CDH12: variants seen among roughly 807,000 people sequenced by gnomAD.
CDH12 encodes cadherin-12.
A neutral mutation model predicts 74.1 loss-of-function variants in CDH12; 41 were observed. That is an observed-to-expected ratio of 0.55 (90% confidence interval 0.43 to 0.72). CDH12 has a LOEUF of 0.72. CDH12 is among the 30% of genes least tolerant of loss of function. The pLI, the probability that CDH12 is intolerant of heterozygous loss-of-function variation, is 0.00. For missense variants in CDH12, 945 were observed against 977.2 expected (o/e 0.97, Z 0.44); for synonymous variants, 399 against 355.0 (o/e 1.12, Z -1.39).
At chr5:22,801,636 C>CATATATATAT (rs568139109) in intron 1 of CDH12, among the ~76,000 whole-genome samples, 5 of 50,880 alleles carry the variant, frequency 9.8e-5, no homozygotes, top group Non-Finnish European at 1.9e-4. Flanking sequence ...CTCTGCTTAT[C>CATATATATAT]ATATATATAT....
chr5:22,089,695 T>C (rs1447798621), intron 4 of CDH12, among the ~76,000 whole-genome samples: 1 of 152,032 alleles, frequency 6.6e-6, no homozygotes, highest in Admixed American at 6.6e-5. Flanking sequence ...AAGATATAAT[T>C]ACATTAAAAA....
chr5:22,415,879 A>C (rs896094039), intron 2 of CDH12, among the ~76,000 whole-genome samples: 21 of 152,062 alleles, frequency 1.4e-4, no homozygotes, highest in African/African-American at 5.1e-4. Flanking sequence ...ATTGTCAGCA[A>C]AGACTTGATA....
At chr5:21,945,427 C>CAAAAAAAAAAAAA (rs1167475672) in intron 6 of CDH12, among the ~76,000 whole-genome samples, 1 of 15,530 alleles carries the variant, frequency 6.4e-5, no homozygotes, top group African/African-American at 2.3e-4. Flanking sequence ...CTGTTTCAGA[C>CAAAAAAAAAAAAA]AAAAAAAAAA....
At chr5:22,614,479 G>A (rs1737584793) in intron 1 of CDH12, among the ~76,000 whole-genome samples, 1 of 31,680 alleles carries the variant, frequency 3.2e-5, no homozygotes. Flanking sequence ...TAAAGAAGTT[G>A]CAGGATTGCA....
intron 6 of CDH12, among the ~76,000 whole-genome samples, chr5:21,955,271 G>C (rs1453571806): frequency 2.0e-5 from 3 of 151,478 alleles, no homozygotes. Context: ...CAAATGTCAA[G>C]CTTTTTTTTT....
intron 5 of CDH12, among the ~76,000 whole-genome samples, chr5:21,999,986 A>G (rs1052001548): frequency 6.6e-6 from 1 of 152,156 alleles, no homozygotes; most frequent in African/African-American, 2.4e-5. Flanking sequence ...GGCATTACCT[A>G]GTATTTCCTT....
intron 1 of CDH12, among the ~76,000 whole-genome samples, chr5:22,748,900 A>G (rs1745420673): frequency 6.6e-6 from 1 of 152,194 alleles, no homozygotes; most frequent in South Asian, 2.1e-4. Context: ...GACTGCCTTC[A>G]TGCCAGGCTA....
At chr5:22,788,832 G>A (rs1188061038) in intron 1 of CDH12, among the ~76,000 whole-genome samples, 3 of 151,638 alleles carry the variant, frequency 2.0e-5, no homozygotes, top group African/African-American at 4.8e-5. Context: ...TGGATGTGGT[G>A]CAGTTCACTC....
intron 1 of CDH12, among the ~76,000 whole-genome samples, chr5:22,809,930 A>G (rs1414166953): frequency 6.6e-6 from 1 of 152,166 alleles, no homozygotes; most frequent in African/African-American, 2.4e-5. Context: ...AATTCAAGAT[A>G]GTCTAGAATG....
In CDH12 at chr5:21,755,790, T is replaced by C. The variant is rs1346789607; in HGVS notation, c.1686A>G (p.Gln562=). The change falls in exon 14 of 15, where the codon CAA becomes CAG. Residue 562 remains glutamine, a synonymous_variant. Transcript: ENST00000382254. ...TTACAACAGGGAGGAAATACAACTCTTGCTGCCTGCGGCTGTATCCATTTC... is the reference window on the plus strand; with the variant it reads ...TTACAACAGGGAGGAAATACAACTCCTGCTGCCTGCGGCTGTATCCATTTC... The part of the protein sequence containing the change: ...TRRNGYSRRQ[Q]ELYFLPVVIE... The C allele has an allele frequency of 6.2e-7, 1 of 1,613,926 alleles. No homozygotes were observed. Among genetic ancestry groups the C allele is most frequent in the African/African-American group, 1.3e-5 (1 of 74,904 alleles).
intron 4 of CDH12, chr5:22,141,446 A>T (rs2963652): frequency 1.3e-5 from 2 of 152,054 alleles, no homozygotes; most frequent in Non-Finnish European, 2.9e-5. Flanking sequence ...AGAGAAGAGC[A>T]TCCTTAGTTC....
chr5:21,874,955 C>T (rs186426974), intron 6 of CDH12, among the ~76,000 whole-genome samples: 16 of 152,296 alleles, frequency 1.1e-4, no homozygotes. Flanking sequence ...GGCTTGCCGC[C>T]ATCTTGGAAG....
intron 1 of CDH12, among the ~76,000 whole-genome samples, chr5:22,624,722 C>T (rs903334990): frequency 3.3e-5 from 5 of 152,194 alleles, no homozygotes; most frequent in African/African-American, 1.2e-4. Flanking sequence ...GGATTGTAAA[C>T]TAGTTCAACT....
chr5:22,760,037 T>C (rs1425864789), intron 1 of CDH12, among the ~76,000 whole-genome samples: 1 of 152,170 alleles, frequency 6.6e-6, no homozygotes, highest in African/African-American at 2.4e-5. Flanking sequence ...CATCTGAAAA[T>C]ACCTTCACAG....
intron 4 of CDH12, among the ~76,000 whole-genome samples, chr5:22,202,436 C>T (rs569908903): frequency 4.6e-5 from 7 of 152,032 alleles, no homozygotes; most frequent in Non-Finnish European, 8.8e-5. Context: ...CTAATATTAG[C>T]GACAACAAGC....
At chr5:22,126,115 A>C (rs1347434204) in intron 4 of CDH12, among the ~76,000 whole-genome samples, 5 of 152,110 alleles carry the variant, frequency 3.3e-5, no homozygotes, top group Non-Finnish European at 7.4e-5. Flanking sequence ...ATAGGAGTAA[A>C]CTATTATAGA....
chr5:22,661,222 A>C (rs951819177), intron 1 of CDH12, among the ~76,000 whole-genome samples: 4 of 152,196 alleles, frequency 2.6e-5, no homozygotes, highest in Admixed American at 2.6e-4. Context: ...ACTTAATCTA[A>C]CACCTAACAA....
chr5:22,839,048 G>A (rs559824793), intron 1 of CDH12, among the ~76,000 whole-genome samples: 3 of 152,002 alleles, frequency 2.0e-5, no homozygotes, highest in South Asian at 2.1e-4. Flanking sequence ...TGGTAGTGTC[G>A]GTGTTTTTGT....
chr5:22,287,352 A>G (rs1252845403), intron 3 of CDH12, among the ~76,000 whole-genome samples: 1 of 152,168 alleles, frequency 6.6e-6, no homozygotes. Context: ...AGAAGTTTAA[A>G]TTTGATAATA....
Sources: allele counts gnomAD v4.1 joint callset (sites outside exome capture counted in the v4.1 genomes callset), GRCh38; gene constraint gnomAD v4.1.1; transcripts MANE v1.5; gene names NCBI Gene and HGNC (gene_info 2026-07-23, HGNC 2026-07-21).